TRDN: variants seen among roughly 807,000 people sequenced by gnomAD.
TRDN encodes the protein triadin, also known as triadin in skeletal muscle.
A neutral mutation model predicts 149.7 loss-of-function variants in TRDN; 161 were observed. The observed-to-expected ratio is 1.08, with a 90% CI of 0.95 to 1.23. The LOEUF (loss-of-function observed/expected upper bound fraction) is 1.23, where lower values mean the gene tolerates loss of function less well. Ranked by LOEUF, TRDN falls within the 50% of genes most tolerant of loss-of-function variation. The pLI is 0.00. For synonymous variants in TRDN, 294 were observed against 250.5 expected (o/e 1.17, Z -1.64); for missense variants, 896 against 823.5 (o/e 1.09, Z -1.08).
At chr6:123,349,615 T>A in intron 21 of TRDN, 2 of 904,930 alleles carry the variant, frequency 2.2e-6, no homozygotes, top group Non-Finnish European at 2.6e-6. Flanking sequence ...TTTTACTTCA[T>A]TGATTTTAAA....
At chr6:123,554,397 T>C (rs1314302682) in intron 2 of TRDN, among the ~76,000 whole-genome samples, 2 of 152,156 alleles carry the variant, frequency 1.3e-5, no homozygotes, top group Non-Finnish European at 2.9e-5. Flanking sequence ...TTTTGGTATG[T>C]GAGGAAAGTT....
Position 123,271,155 on chromosome 6 carries a change from G to A in TRDN, c.1704C>T (p.Val568=). Residue 568 remains valine, a synonymous_variant, in exon 30 of 41, where the codon GTC becomes GTT. Coordinates refer to ENST00000334268, the MANE Select transcript of TRDN (RefSeq NM_006073.4). The stretch of plus-strand genomic sequence containing the variant: ...CTTATTTACCTGTTTTTTCTATTGT[G>A]ACAGCTTTTACCTGCTTGAGAACTT... ...EEKVLKQVKA[V]TIEKTAKPKP... is the part of the protein sequence containing the mutation. 9.8e-6 allele frequency: 15 copies of A among 1,536,134 alleles called. No individual in the cohort carries two copies. Among genetic ancestry groups the A allele is most frequent in the Non-Finnish European group, 1.1e-5 (13 of 1,142,186 alleles).
chr6:123,432,638 C>T (rs560339079), intron 12 of TRDN, among the ~76,000 whole-genome samples: 2 of 151,560 alleles, frequency 1.3e-5, no homozygotes, highest in East Asian at 3.9e-4. Context: ...GTAATCCTTC[C>T]CCCTTCCCCG....
chr6:123,529,027 C>CCTA, intron 5 of TRDN: 1 of 1,357,898 alleles, frequency 7.4e-7, no homozygotes. Context: ...GTTTAATAAA[C>CCTA]CTACTCTACA....
intron 4 of TRDN, among the ~76,000 whole-genome samples, chr6:123,534,173 A>G (rs1780403561): frequency 6.6e-6 from 1 of 152,172 alleles, no homozygotes; most frequent in African/African-American, 2.4e-5. Context: ...TTACATAGGC[A>G]GATTTTTGTT....
intron 9 of TRDN, among the ~76,000 whole-genome samples, chr6:123,472,142 G>A (rs149534304): frequency 4.2e-4 from 64 of 152,320 alleles, no homozygotes; most frequent in African/African-American, 1.4e-3. Context: ...CAGAAGACGG[G>A]TGATTTCTGC....
chr6:123,322,924 C>T (rs1779302171), intron 23 of TRDN, among the ~76,000 whole-genome samples: 1 of 152,032 alleles, frequency 6.6e-6, no homozygotes, highest in Non-Finnish European at 1.5e-5. Flanking sequence ...TAGGCATAAG[C>T]CACCGCGCTT....
At chr6:123,268,817 G>T (rs1032107713) in intron 31 of TRDN, among the ~76,000 whole-genome samples, 4 of 151,856 alleles carry the variant, frequency 2.6e-5, no homozygotes, top group African/African-American at 9.7e-5. Context: ...AGAAAATGCA[G>T]CCAATATTCA....
At chr6:123,433,340 T>C (rs1774420135) in intron 12 of TRDN, among the ~76,000 whole-genome samples, 1 of 151,818 alleles carries the variant, frequency 6.6e-6, no homozygotes, top group South Asian at 2.1e-4. Flanking sequence ...CTTAAGTTTA[T>C]TTTCTCCACT....
rs562759747 is a variant in TRDN at position 123,328,303 on chromosome 6, A to G, written c.1471+3576T>C. 7.2e-5 allele frequency among the ~76,000 whole-genome samples: 11 copies of G among 152,324 alleles called. No individual in the cohort carries two copies. In the South Asian group the frequency reaches 1.9e-3, roughly 26 times the overall value. On this transcript the variant is annotated intron_variant, in intron 23 of 40. Transcript: ENST00000334268. ...CTCCTTTGTGCTGGCTGCAATGCCA[A>G]TGCATAGGCAGAACTTGGAACCATG...
Position 123,331,864 on chromosome 6 carries a change from A to G in TRDN, c.1471+15T>C, listed in dbSNP as rs1779671935. 2 of 1,506,016 alleles carry G rather than the reference A, an allele frequency of 1.3e-6. No homozygotes were observed. The highest frequency in any genetic ancestry group is 2.8e-5 in the African/African-American group (2 of 71,692). The allele number at this position is 1,506,016 out of a possible 1,614,324, so 93.3% of individuals were successfully genotyped here. A position where few individuals can be genotyped will look rare whatever the true frequency, so the allele number is the denominator to read the frequency against. ...GCAGATCAATGTGGCTTCACATTTCATTGTATAATATTACCTTTTTCCTTT... is the reference window on the plus strand; with the variant it reads ...GCAGATCAATGTGGCTTCACATTTCGTTGTATAATATTACCTTTTTCCTTT... On this transcript the variant is annotated intron_variant, in intron 23 of 40. Coordinates refer to ENST00000334268, the MANE Select transcript of TRDN (RefSeq NM_006073.4).
chr6:123,369,356 C>A (rs1481798512), intron 19 of TRDN, among the ~76,000 whole-genome samples: 1 of 152,076 alleles, frequency 6.6e-6, no homozygotes, highest in Admixed American at 6.5e-5. Context: ...TTCATAGGTA[C>A]CAGGGTAGAG....
At chr6:123,503,300 A>G (rs187487659) in intron 8 of TRDN, 351 of 985,334 alleles carry the variant, frequency 3.6e-4, no homozygotes, top group Middle Eastern at 1.0e-3. Context: ...TATTTACTCT[A>G]TATGATTCCA....
chr6:123,303,548 G>A (rs1036465848), intron 24 of TRDN, among the ~76,000 whole-genome samples: 2 of 152,138 alleles, frequency 1.3e-5, no homozygotes, highest in African/African-American at 4.8e-5. Flanking sequence ...GGGCAGGTGG[G>A]ATAGTTTGTT....
intron 23 of TRDN, among the ~76,000 whole-genome samples, chr6:123,330,617 G>A (rs1367355349): frequency 6.6e-6 from 1 of 151,954 alleles, no homozygotes; most frequent in Non-Finnish European, 1.5e-5. Flanking sequence ...TCCTTAATAG[G>A]TTTGAAGCTA....
intron 20 of TRDN, among the ~76,000 whole-genome samples, chr6:123,357,392 G>C (rs763360030): frequency 2.6e-5 from 4 of 152,090 alleles, no homozygotes; most frequent in Non-Finnish European, 5.9e-5. Context: ...TATGAGGAAA[G>C]ACAAAGGAGT....
chr6:123,327,573 G>A (rs143323541), intron 23 of TRDN, among the ~76,000 whole-genome samples: 1 of 151,914 alleles, frequency 6.6e-6, no homozygotes, highest in Non-Finnish European at 1.5e-5. Flanking sequence ...TTTATTCTTT[G>A]TAACAGAGTT....
chr6:123,278,734 C>T (rs1471368792), intron 25 of TRDN, among the ~76,000 whole-genome samples: 1 of 152,126 alleles, frequency 6.6e-6, no homozygotes, highest in Non-Finnish European at 1.5e-5. Flanking sequence ...CACACCACTG[C>T]CCACTGCCTG....
At chr6:123,393,309 C>A (rs908524688) in intron 13 of TRDN, among the ~76,000 whole-genome samples, 1 of 151,988 alleles carries the variant, frequency 6.6e-6, no homozygotes, top group African/African-American at 2.4e-5. Flanking sequence ...TATTTTATAT[C>A]TGTATTTGTA....
Sources: allele counts gnomAD v4.1 joint callset (sites outside exome capture counted in the v4.1 genomes callset), GRCh38; gene constraint gnomAD v4.1.1; transcripts MANE v1.5; gene names NCBI Gene and HGNC (gene_info 2026-07-23, HGNC 2026-07-21).